The following G2E3 variants were observed in gnomAD, a reference collection of about 807,000 sequenced individuals.
G2E3 encodes the protein G2/M phase-specific E3 ubiquitin-protein ligase.
G2E3 carries 35 observed loss-of-function variants against 92.8 expected under a neutral mutation model. That is an observed-to-expected ratio of 0.38 (90% CI 0.29 to 0.50). The LOEUF (loss-of-function observed/expected upper bound fraction) is 0.50, where lower values mean the gene tolerates loss of function less well. Ranked by LOEUF, G2E3 falls within the 20% of genes least tolerant of loss-of-function variation. The pLI is 0.94. For synonymous variants in G2E3, 242 were observed against 272.4 expected, an observed-to-expected ratio of 0.89 and a Z score of 1.10; for missense variants, 554 against 823.8, an observed-to-expected ratio of 0.67 and a Z score of 4.01.
intron 2 of G2E3, among the ~76,000 whole-genome samples, chr14:30,586,237 G>A (rs1364728153): frequency 2.6e-5 from 4 of 152,324 alleles, no homozygotes; most frequent in African/African-American, 7.2e-5. Flanking sequence ...TCTTGGACCA[G>A]TAATCTGCAC....
chr14:30,581,625 C>T (rs1359794644), intron 2 of G2E3, among the ~76,000 whole-genome samples: 8 of 152,142 alleles, frequency 5.3e-5, no homozygotes, highest in Non-Finnish European at 1.2e-4. Context: ...TCGCTTGAAC[C>T]CGGGAGGCAG....
At chr14:30,585,317 TTTAA>T (rs1880648846) in intron 2 of G2E3, among the ~76,000 whole-genome samples, 1 of 152,176 alleles carries the variant, frequency 6.6e-6, no homozygotes, top group Non-Finnish European at 1.5e-5. Flanking sequence ...TTGGCTGGTA[TTTAA>T]TTAATTTGTA....
At chr14:30,562,343 A>T (rs887858220) in intron 1 of G2E3, among the ~76,000 whole-genome samples, 19 of 152,246 alleles carry the variant, frequency 1.2e-4, no homozygotes, top group African/African-American at 4.6e-4. Flanking sequence ...CCAATATTAT[A>T]ATAATCCTCG....
chr14:30,575,495 A>C (rs1880027121), intron 1 of G2E3, among the ~76,000 whole-genome samples: 1 of 152,176 alleles, frequency 6.6e-6, no homozygotes, highest in South Asian at 2.1e-4. Context: ...CACCACTTCA[A>C]CATAGTTTTG....
intron 6 of G2E3, among the ~76,000 whole-genome samples, chr14:30,596,938 T>TTCTGTA (rs1351644306): frequency 6.6e-6 from 1 of 152,252 alleles, no homozygotes. Flanking sequence ...TGTCTGGTGC[T>TTCTGTA]TCTGTATCTG....
At chr14:30,593,356 T>C in intron 5 of G2E3, 118 bp from the exon 6 acceptor site, 1 of 584,590 alleles carries the variant, frequency 1.7e-6, no homozygotes. Context: ...TCCAGTCTGT[T>C]GTAGGTGAAT....
Position 30,605,575 on chromosome 14 carries a change from A to G in G2E3, c.1081A>G (p.Thr361Ala). The G allele has an allele frequency of 1.3e-6, 2 of 1,510,120 alleles. No individual in the cohort carries two copies. Among genetic ancestry groups the G allele is most frequent in the Non-Finnish European group, 1.8e-6 (2 of 1,101,320 alleles). 93.5% of individuals were successfully genotyped at this position (1,510,120 alleles called of 1,614,324 possible). A position where few individuals can be genotyped will look rare whatever the true frequency, so the allele number is the denominator to read the frequency against. ...GTTAGGATTCCAAATTAAAAAAAAAACTAAAAGATTGTATATCAACAAAGC... is the reference window on the plus strand; with the variant it reads ...GTTAGGATTCCAAATTAAAAAAAAAGCTAAAAGATTGTATATCAACAAAGC... ...IELGFQIKKK[T>A]KRLYINKANI... Residue 361 changes from threonine to alanine, a missense_variant, in exon 11 of 15, where the codon ACT (threonine) becomes GCT (alanine). Transcript: ENST00000206595.
chr14:30,610,534 C>T (rs1049095942), intron 12 of G2E3, among the ~76,000 whole-genome samples: 1 of 152,122 alleles, frequency 6.6e-6, no homozygotes, highest in African/African-American at 2.4e-5. Context: ...GCCCGGGAGG[C>T]AGAGGTGGCA....
rs1298346638 is a variant in G2E3 at position 30,607,792 on chromosome 14, A to T, written c.1319-96A>T. 9.4e-5 allele frequency: 55 copies of T among 582,354 alleles called. 1 individual carries two copies. The highest frequency in any genetic ancestry group is 1.6e-4 in the East Asian group (5 of 32,178). The allele number at this position is 582,354 out of a possible 1,614,324, so 36.1% of individuals were successfully genotyped here. A position where few individuals can be genotyped will look rare whatever the true frequency, so the allele number is the denominator to read the frequency against. On this transcript the variant is annotated intron_variant, in intron 11 of 14. Coordinates refer to ENST00000206595, the MANE Select transcript of G2E3 (RefSeq NM_017769.5). The stretch of plus-strand genomic sequence containing the variant: ...TAGCTTCTAAGAATTATATTTATCT[A>T]ATGCTTAGATTTTTGGACTAATTTT...
intron 1 of G2E3, chr14:30,560,920 A>G (rs1879060377): frequency 2.5e-5 from 16 of 642,570 alleles, no homozygotes; most frequent in Non-Finnish European, 3.1e-5. Context: ...GATTAAAGAC[A>G]TGGAACTGGG....
chr14:30,600,592 A>G (rs997027365), intron 8 of G2E3, among the ~76,000 whole-genome samples: 5 of 152,194 alleles, frequency 3.3e-5, no homozygotes, highest in Non-Finnish European at 5.9e-5. Flanking sequence ...TTCTTAACCT[A>G]TATGTATTTC....
At chr14:30,560,984 C>A (rs971134698) in intron 1 of G2E3, 2 of 597,536 alleles carry the variant, frequency 3.3e-6, no homozygotes, top group Admixed American at 3.1e-5. Context: ...CTAGGTGACC[C>A]TGGGCAAGCT....
At chr14:30,560,653 A>G (rs1879039392) in intron 1 of G2E3, 2 of 610,286 alleles carry the variant, frequency 3.3e-6, no homozygotes, top group Admixed American at 5.9e-5. Flanking sequence ...TAATCTCTTT[A>G]TTTTTTTCTA....
In G2E3 at chr14:30,617,255, C is replaced by CA. The variant is rs113634547; in HGVS notation, c.*732dup. The CA allele has an allele frequency of 0.02, 2,796 of 139,440 alleles. 32 individuals carry two copies. Among genetic ancestry groups the CA allele is most frequent in the Non-Finnish European group, 0.029 (1,860 of 63,750 alleles). 8.6% of individuals were successfully genotyped at this position (139,440 alleles called of 1,614,324 possible). A position where few individuals can be genotyped will look rare whatever the true frequency, so the allele number is the denominator to read the frequency against. On this transcript the variant is annotated 3_prime_UTR_variant, in exon 15 of 15. Coordinates refer to ENST00000206595, the MANE Select transcript of G2E3 (RefSeq NM_017769.5). ...TGGCAATGTAGCAAAGACTCCATCT[C>CA]AAAAAAAAAAACAGAATTGCACAAA...
intron 11 of G2E3, among the ~76,000 whole-genome samples, chr14:30,606,582 TTGGTATGG>T (rs1314406263): frequency 1.3e-5 from 2 of 152,010 alleles, no homozygotes; most frequent in African/African-American, 2.4e-5. Context: ...CAAGGCAGCT[TTGGTATGG>T]TGGAGAGTAC....
chr14:30,561,228 T>G (rs1219365387), intron 1 of G2E3, among the ~76,000 whole-genome samples: 1 of 152,216 alleles, frequency 6.6e-6, no homozygotes, highest in Non-Finnish European at 1.5e-5. Flanking sequence ...TATCTTCAAA[T>G]AAGAAAACAG....
chr14:30,565,138 A>G (rs931406882), intron 1 of G2E3, among the ~76,000 whole-genome samples: 9 of 152,192 alleles, frequency 5.9e-5, no homozygotes, highest in Non-Finnish European at 1.2e-4. Context: ...AACACTTACT[A>G]TTTTAGTTTG....
At chr14:30,580,049 A>T (rs1227176339) in intron 1 of G2E3, among the ~76,000 whole-genome samples, 1 of 152,142 alleles carries the variant, frequency 6.6e-6, no homozygotes, top group African/African-American at 2.4e-5. Context: ...GAGTGAGGAG[A>T]TAGGGACAGA....
At chr14:30,594,714 C>A (rs946636043) in intron 6 of G2E3, among the ~76,000 whole-genome samples, 6 of 151,396 alleles carry the variant, frequency 4.0e-5, no homozygotes, top group Non-Finnish European at 5.9e-5. Context: ...GATGTAAATT[C>A]TCTTATTTCA....
Sources: gnomAD v4.1 joint callset for allele counts (sites outside exome capture counted in the v4.1 genomes callset) on GRCh38, gnomAD v4.1.1 for gene constraint, MANE v1.5 for transcripts, NCBI Gene and HGNC (gene_info 2026-07-23, HGNC 2026-07-21) for gene names.